CFAP299: variants seen among roughly 807,000 people sequenced by gnomAD.
CFAP299 encodes the protein cilia and flagella associated protein 299.
In CFAP299, 21 loss-of-function variants were observed where a neutral mutation model predicts 27.0. The observed-to-expected ratio is 0.78, with a 90% CI of 0.55 to 1.12. The LOEUF (loss-of-function observed/expected upper bound fraction) is 1.12. Ranked by LOEUF, CFAP299 falls within the 50% of genes most tolerant of loss-of-function variation. CFAP299 has a pLI of 0.00. For missense variants in CFAP299, 310 were observed against 276.6 expected (o/e 1.12, Z -0.86); for synonymous variants, 104 against 98.1 (o/e 1.06, Z -0.36).
chr4:80,601,184 A>G (rs536836344), intron 3 of CFAP299, among the ~76,000 whole-genome samples: 2 of 152,324 alleles, frequency 1.3e-5, no homozygotes, highest in African/African-American at 4.8e-5. Context: ...AACTTATTAT[A>G]CACATCTTTG....
At chr4:80,408,485 G>T (rs1726541971) in intron 2 of CFAP299, among the ~76,000 whole-genome samples, 1 of 151,872 alleles carries the variant, frequency 6.6e-6, no homozygotes, top group African/African-American at 2.4e-5. Context: ...TCTATTATTT[G>T]TGCTTTTCCT....
rs541350760 is a variant in CFAP299 at position 80,816,405 on chromosome 4, T to C, written c.334-53588T>C. Among the ~76,000 whole-genome samples the C allele has an allele frequency of 5.3e-5, 8 of 152,236 alleles. No individual in the cohort carries two copies. In the East Asian group the frequency reaches 1.5e-3, roughly 29 times the overall value. ...AATCCCTTTAATATAGAAAATGATA[T>C]AGTGATACTCCCTCAATTTGAAAAT... On this transcript the variant is annotated intron_variant, in intron 3 of 5. Transcript: ENST00000358105.
intron 2 of CFAP299, among the ~76,000 whole-genome samples, chr4:80,440,441 A>G (rs1367936459): frequency 6.6e-6 from 1 of 152,208 alleles, no homozygotes; most frequent in East Asian, 1.9e-4. Flanking sequence ...AGCAAACTCC[A>G]GCACACCTGC....
the CFAP299 span, among the ~76,000 whole-genome samples, chr4:80,324,130 T>A: frequency 3.3e-5 from 5 of 152,110 alleles, no homozygotes; most frequent in Non-Finnish European, 7.4e-5. Flanking sequence ...ATGCTCTCAC[T>A]CCCCTTGCCC....
intron 2 of CFAP299, among the ~76,000 whole-genome samples, chr4:80,394,733 A>G (rs149846429): frequency 6.6e-6 from 1 of 152,208 alleles, no homozygotes; most frequent in East Asian, 1.9e-4. Context: ...TCAATTGACC[A>G]TAAATATGTG....
intron 3 of CFAP299, among the ~76,000 whole-genome samples, chr4:80,620,908 C>T (rs1738565023): frequency 6.6e-6 from 1 of 152,092 alleles, no homozygotes; most frequent in African/African-American, 2.4e-5. Context: ...AACTAAATAA[C>T]ATAAGTATAT....
intron 2 of CFAP299, among the ~76,000 whole-genome samples, chr4:80,525,546 C>T (rs915551446): frequency 2.0e-5 from 3 of 152,100 alleles, no homozygotes; most frequent in African/African-American, 7.2e-5. Flanking sequence ...GTTCATTTCC[C>T]ACTCTTGTTT....
rs867985303 is a variant in CFAP299 at position 80,456,939 on chromosome 4, A to C, written c.242+94055A>C. Among the ~76,000 whole-genome samples the C allele has an allele frequency of 2.6e-5, 4 of 152,164 alleles. No homozygotes were observed. In the South Asian group the frequency reaches 8.3e-4, roughly 32 times the overall value. On this transcript the variant is annotated intron_variant, in intron 2 of 5. Transcript: ENST00000358105. ...AGGCTACGGTGTTGTGGATACCAAC[A>C]GAGGAAAGTATTTTGAGGAAGAGGA...
At chr4:80,744,495 G>A (rs77764004) in intron 3 of CFAP299, among the ~76,000 whole-genome samples, 1,706 of 152,178 alleles carry the variant, frequency 0.011, 33 homozygotes, top group African/African-American at 0.038. Flanking sequence ...TTTTATTAAT[G>A]TGGTTCAGCC....
rs7665064 is a variant in CFAP299 at position 80,469,722 on chromosome 4, T to G, written c.242+106838T>G. Among the ~76,000 whole-genome samples the G allele has an allele frequency of 8.7e-3, 1,332 of 152,270 alleles. 28 individuals carry two copies. Among genetic ancestry groups the G allele is most frequent in the African/African-American group, 0.03 (1,263 of 41,558 alleles). Reference sequence around the variant, plus strand: ...AGGTATCCTTGTTCATTTTTATTAATGAGAATTATAATTTATCATGCTGTT... The same window carrying G: ...AGGTATCCTTGTTCATTTTTATTAAGGAGAATTATAATTTATCATGCTGTT... On this transcript the variant is annotated intron_variant, in intron 2 of 5. Transcript: ENST00000358105.
chr4:80,547,535 T>A (rs1734295360), intron 2 of CFAP299, among the ~76,000 whole-genome samples: 1 of 152,050 alleles, frequency 6.6e-6, no homozygotes, highest in South Asian at 2.1e-4. Context: ...TGTGACCTAA[T>A]TAAATTAAAG....
At chr4:80,883,326 C>A (rs1298911006) in intron 4 of CFAP299, among the ~76,000 whole-genome samples, 2 of 151,758 alleles carry the variant, frequency 1.3e-5, no homozygotes, top group African/African-American at 4.8e-5. Context: ...CAAAGCATAC[C>A]ACTATAAAAA....
chr4:80,522,910 ATT>A (rs549861148), intron 2 of CFAP299, among the ~76,000 whole-genome samples: 181 of 152,128 alleles, frequency 1.2e-3, no homozygotes, highest in Non-Finnish European at 2.2e-3. Context: ...GCTATGTAAT[ATT>A]TTTAAAGCCA....
intron 2 of CFAP299, among the ~76,000 whole-genome samples, chr4:80,474,003 A>G (rs1205952328): frequency 6.6e-6 from 1 of 152,182 alleles, no homozygotes; most frequent in Admixed American, 6.5e-5. Context: ...CTTAAAAATT[A>G]TGATTTTAAA....
At chr4:80,481,895 C>T (rs1730587804) in intron 2 of CFAP299, among the ~76,000 whole-genome samples, 1 of 151,706 alleles carries the variant, frequency 6.6e-6, no homozygotes, top group Non-Finnish European at 1.5e-5. Context: ...AATTTAGGAC[C>T]TGGTACATGG....
intron 4 of CFAP299, among the ~76,000 whole-genome samples, chr4:80,914,656 G>A (rs770454998): frequency 2.6e-5 from 4 of 152,134 alleles, no homozygotes; most frequent in Non-Finnish European, 5.9e-5. Flanking sequence ...CTTTGCATGA[G>A]CTTATATATA....
chr4:80,467,773 A>G (rs964060678), intron 2 of CFAP299, among the ~76,000 whole-genome samples: 1 of 152,148 alleles, frequency 6.6e-6, no homozygotes, highest in Non-Finnish European at 1.5e-5. Flanking sequence ...GGTTTAATTT[A>G]CTCAGTTCCA....
chr4:80,882,323 T>C (rs1464500410), intron 4 of CFAP299, among the ~76,000 whole-genome samples: 2 of 151,982 alleles, frequency 1.3e-5, no homozygotes, highest in African/African-American at 4.8e-5. Context: ...ATTATAAAAG[T>C]CAAAGGAAAA....
At chr4:80,414,358 C>G (rs185355390) in intron 2 of CFAP299, among the ~76,000 whole-genome samples, 6 of 152,142 alleles carry the variant, frequency 3.9e-5, no homozygotes, top group African/African-American at 1.4e-4. Context: ...GCGTGAGCCA[C>G]CGCGACAAAT....
Sources: gnomAD v4.1 joint callset for allele counts (sites outside exome capture counted in the v4.1 genomes callset) on GRCh38, gnomAD v4.1.1 for gene constraint, MANE v1.5 for transcripts, NCBI Gene and HGNC (gene_info 2026-07-23, HGNC 2026-07-21) for gene names.